The following IL1RAPL1 variants were observed in gnomAD, a reference collection of about 807,000 sequenced individuals.
The protein encoded by IL1RAPL1 is interleukin 1 receptor accessory protein like 1.
IL1RAPL1 carries 3 observed loss-of-function variants against 48.4 expected under a neutral mutation model. That is an observed-to-expected ratio of 0.06 (90% CI 0.03 to 0.16). IL1RAPL1 has a LOEUF of 0.16. Among genes scored for constraint, IL1RAPL1 ranks in the 10% least tolerant of loss-of-function variants. IL1RAPL1 has a pLI of 1.00. For missense variants in IL1RAPL1, 349 were observed against 530.6 expected (o/e 0.66, Z 3.36); for synonymous variants, 185 against 187.7 (o/e 0.99, Z 0.12).
chrX:29,347,094 G>A (rs1933160278), intron 3 of IL1RAPL1, among the ~76,000 whole-genome samples: 1 of 110,701 alleles, frequency 9.0e-6, no homozygotes. Context: ...TAGGAGATAG[G>A]TTCTAAGACC....
chrX:28,819,799 C>T (rs189727287), intron 2 of IL1RAPL1, among the ~76,000 whole-genome samples: 168 of 106,181 alleles, frequency 1.6e-3, no homozygotes, highest in African/African-American at 5.5e-3. Context: ...TTTATATACT[C>T]ATTAATATAT....
At position 29,323,781 on chromosome X, in the gene IL1RAPL1, A is replaced by G. The variant is rs867450673; in HGVS notation, c.362+40564A>G. 7.3e-3 allele frequency among the ~76,000 whole-genome samples: 398 copies of G among 54,756 alleles called. 14 individuals carry two copies. Among genetic ancestry groups the G allele is most frequent in the African/African-American group, 0.027 (385 of 14,034 alleles). 47.5% of individuals were successfully genotyped at this position (54,756 alleles called of 115,157 possible). ...TATATATATATATATATATATATAT[A>G]TATCCCCTTCTTCTTTAGCACAATA... On this transcript the variant is annotated intron_variant, in intron 3 of 10. Coordinates refer to ENST00000378993, the MANE Select transcript of IL1RAPL1 (RefSeq NM_014271.4).
At chrX:29,461,139 G>T (rs975539078) in intron 5 of IL1RAPL1, among the ~76,000 whole-genome samples, 2 of 111,148 alleles carry the variant, frequency 1.8e-5, no homozygotes, top group Admixed American at 9.6e-5. Flanking sequence ...GACACTTCTC[G>T]CAAGAAGATA....
chrX:29,671,335 T>C (rs1347450370), intron 6 of IL1RAPL1, among the ~76,000 whole-genome samples: 2 of 111,887 alleles, frequency 1.8e-5, no homozygotes, highest in African/African-American at 3.2e-5. Flanking sequence ...GGTTTGATAG[T>C]GGTCATTTAA....
rs189825998 is a variant in IL1RAPL1, at chrX:29,415,567, G to A, written c.703+16259G>A. Among the ~76,000 whole-genome samples, 361 of 110,339 alleles carry A rather than the reference G, an allele frequency of 3.3e-3. 1 individual carries two copies. The highest frequency in any genetic ancestry group is 0.011 in the African/African-American group (339 of 30,378). ...CCCAAGTAGCTGGGATTACAGGCGCGTGCCACCACGCCCGGCTAATTTTTT... is the reference window on the plus strand; with the variant it reads ...CCCAAGTAGCTGGGATTACAGGCGCATGCCACCACGCCCGGCTAATTTTTT... On this transcript the variant is annotated intron_variant, in intron 5 of 10. Transcript: ENST00000378993.
At chrX:28,639,547 G>A (rs1934509489) in intron 1 of IL1RAPL1, among the ~76,000 whole-genome samples, 1 of 111,761 alleles carries the variant, frequency 8.9e-6, no homozygotes, top group Non-Finnish European at 1.9e-5. Flanking sequence ...TCTGTGAGAG[G>A]GCAGGCCTGG....
chrX:29,041,665 T>A (rs1926849004), intron 2 of IL1RAPL1, among the ~76,000 whole-genome samples: 1 of 111,982 alleles, frequency 8.9e-6, no homozygotes, highest in Non-Finnish European at 1.9e-5. Context: ...GGAGTTGAGA[T>A]GATGGGAATT....
At position 28,989,640 on chromosome X, in the gene IL1RAPL1, T is replaced by C. The variant is rs762149372; in HGVS notation, c.82+200215T>C. Among the ~76,000 whole-genome samples the C allele has an allele frequency of 4.5e-5, 5 of 112,350 alleles. No individual in the cohort carries two copies. In the South Asian group the frequency reaches 1.8e-3, roughly 41 times the overall value. ...ACATTTATATTTTGTGTCAAACAAT[T>C]ATATAGATTCTGAATGTCTACGAAG... is the stretch of plus-strand genomic sequence containing the variant. On this transcript the variant is annotated intron_variant, in intron 2 of 10. Transcript: ENST00000378993.
chrX:28,724,173 C>A (rs187443822), intron 1 of IL1RAPL1, among the ~76,000 whole-genome samples: 3 of 111,190 alleles, frequency 2.7e-5, no homozygotes, highest in Non-Finnish European at 3.8e-5. Flanking sequence ...CTCATTGATC[C>A]GTCTAATGTT....
chrX:29,053,002 A>AT (rs1286800057), intron 2 of IL1RAPL1, among the ~76,000 whole-genome samples: 1 of 111,012 alleles, frequency 9.0e-6, no homozygotes, highest in African/African-American at 3.3e-5. Context: ...CCCATTAGTT[A>AT]TTTTTTCTGA....
chrX:29,880,455 G>T (rs1385123435), intron 6 of IL1RAPL1, among the ~76,000 whole-genome samples: 1 of 111,783 alleles, frequency 8.9e-6, no homozygotes, highest in Non-Finnish European at 1.9e-5. Flanking sequence ...TCTTTAAAAT[G>T]ATCATGAAGT....
At chrX:29,659,281 A>C (rs1925773078) in intron 5 of IL1RAPL1, among the ~76,000 whole-genome samples, 1 of 112,182 alleles carries the variant, frequency 8.9e-6, no homozygotes, top group South Asian at 3.7e-4. Context: ...TTTTGCTCTC[A>C]CATATGAGTG....
intron 2 of IL1RAPL1, among the ~76,000 whole-genome samples, chrX:28,839,640 T>C (rs1214226430): frequency 9.0e-6 from 1 of 110,938 alleles, no homozygotes; most frequent in Non-Finnish European, 1.9e-5. Flanking sequence ...CATCTAAACA[T>C]CAAGGATTAA....
At chrX:29,639,108 C>A in intron 5 of IL1RAPL1, among the ~76,000 whole-genome samples, 1 of 108,460 alleles carries the variant, frequency 9.2e-6, no homozygotes, top group Non-Finnish European at 1.9e-5. Flanking sequence ...ATGGCGTGAA[C>A]CCAGGAGGCG....
Position 28,707,374 on chromosome X carries a change from A to G in IL1RAPL1, c.-24-81946A>G, listed in dbSNP as rs185173522. On this transcript the variant is annotated intron_variant, in intron 1 of 10. Transcript: ENST00000378993. The stretch of plus-strand genomic sequence containing the variant: ...GTTCTATATTTTCTCCCAGAGCTCC[A>G]TAGCAGGATTAAGCTCTAATTGCTC... Among the ~76,000 whole-genome samples the G allele has an allele frequency of 3.7e-3, 415 of 112,223 alleles. 5 individuals are homozygous for G. Among genetic ancestry groups the G allele is most frequent in the African/African-American group, 0.013 (394 of 30,908 alleles).
At chrX:28,970,720 A>T (rs1925049163) in intron 2 of IL1RAPL1, among the ~76,000 whole-genome samples, 2 of 111,889 alleles carry the variant, frequency 1.8e-5, no homozygotes, top group East Asian at 2.8e-4. Flanking sequence ...TATCCTTTTT[A>T]AAAAAACTAA....
intron 2 of IL1RAPL1, among the ~76,000 whole-genome samples, chrX:29,015,498 A>C (rs1018394186): frequency 9.0e-6 from 1 of 111,066 alleles, no homozygotes; most frequent in African/African-American, 3.3e-5. Context: ...TTATTAGAAG[A>C]ATATGTCACA....
intron 6 of IL1RAPL1, among the ~76,000 whole-genome samples, chrX:29,674,436 A>G (rs1385472870): frequency 1.8e-5 from 2 of 111,594 alleles, no homozygotes; most frequent in Non-Finnish European, 3.8e-5. Context: ...CAAAAATAAA[A>G]AAAAGTTTTA....
At chrX:28,984,663 C>G (rs1033593916) in intron 2 of IL1RAPL1, among the ~76,000 whole-genome samples, 5 of 111,179 alleles carry the variant, frequency 4.5e-5, no homozygotes, top group Non-Finnish European at 9.4e-5. Flanking sequence ...TTCTCTACAC[C>G]TTTTAAGATC....
Sources: allele counts gnomAD v4.1 joint callset (sites outside exome capture counted in the v4.1 genomes callset), GRCh38; gene constraint gnomAD v4.1.1; transcripts MANE v1.5; gene names NCBI Gene and HGNC (gene_info 2026-07-23, HGNC 2026-07-21).